Variants in WDR18 observed in about 807,000 individuals in gnomAD.
WDR18 encodes the protein WD repeat-containing protein 18.
A neutral mutation model predicts 49.6 loss-of-function variants in WDR18; 33 were observed. The ratio of observed to expected loss-of-function variants is 0.67; its 90% confidence interval spans 0.50 to 0.89. WDR18 has a LOEUF of 0.89. WDR18 is among the 40% of genes least tolerant of loss of function. WDR18 has a pLI of 0.00. For synonymous variants in WDR18, 315 were observed against 263.6 expected (o/e 1.19, Z -1.89); for missense variants, 653 against 593.6 (o/e 1.10, Z -1.04).
intron 1 of WDR18, 52 bp downstream of exon 1, chr19:984,615 T>G: frequency 7.3e-7 from 1 of 1,371,908 alleles, no homozygotes; most frequent in Non-Finnish European, 9.4e-7. Context: ...GAGGCTGAAG[T>G]CGGGGGATGG....
At chr19:985,778 C>T (rs1341994043) in intron 1 of WDR18, 87 bp from the exon 2 acceptor site, 3 of 1,284,076 alleles carry the variant, frequency 2.3e-6, no homozygotes, top group Non-Finnish European at 3.4e-6. Flanking sequence ...TTAGCCATTG[C>T]CCAGGCGTCC....
intron 8 of WDR18, 34 bp from the exon 9 acceptor site, chr19:993,986 G>T: frequency 1.3e-6 from 2 of 1,547,338 alleles, no homozygotes. Context: ...GTGACAGGAC[G>T]CGCCCCGAGG....
intron 4 of WDR18, chr19:990,565 C>A: frequency 2.2e-6 from 2 of 920,522 alleles, no homozygotes; most frequent in Non-Finnish European, 3.1e-6. Context: ...GTTTCTGGCC[C>A]GGCTCCCTGG....
rs2038566474 is a variant in WDR18, at chr19:992,096, C to G, written c.1073C>G (p.Thr358Ser). ...HGDEPRHGGL[T>S]LRLGLHQQGS... ...GACGAGCCGCGCCACGGGGGCCTCACTCTGCGCCTGGGCCTCCACCAGCAG... is the reference window on the plus strand; with the variant it reads ...GACGAGCCGCGCCACGGGGGCCTCAGTCTGCGCCTGGGCCTCCACCAGCAG... The change falls in exon 8 of 10, where the codon ACT becomes AGT. Residue 358 changes from threonine (T) to serine (S), a missense_variant. Coordinates refer to ENST00000585809, the MANE Select transcript of WDR18 (RefSeq NM_024100.4). 2.0e-6 allele frequency: 3 copies of G among 1,522,898 alleles called. No individual in the cohort carries two copies. The highest frequency in any genetic ancestry group is 1.9e-5 in the Admixed American group (1 of 52,476). 94.3% of individuals were successfully genotyped at this position (1,522,898 alleles called of 1,614,324 possible).
intron 6 of WDR18, 39 bp from the exon 7 acceptor site, chr19:991,188 G>A (rs376860620): frequency 1.2e-5 from 17 of 1,444,138 alleles, no homozygotes; most frequent in Non-Finnish European, 1.5e-5. Context: ...GGCACGTCCT[G>A]TCTGGCACGT....
intron 1 of WDR18, among the ~76,000 whole-genome samples, chr19:984,794 C>T (rs1280548981): frequency 7.4e-6 from 1 of 135,034 alleles, no homozygotes; most frequent in Non-Finnish European, 1.6e-5. Flanking sequence ...GCTATGGGGG[C>T]AGTGGGGGAA....
chr19:989,637 G>A, intron 2 of WDR18, 125 bp from the exon 3 acceptor site: 2 of 1,386,918 alleles, frequency 1.4e-6, no homozygotes, highest in South Asian at 1.3e-5. Context: ...GCAGTCCTGG[G>A]GCAGGGCAGG....
chr19:991,874 C>T, intron 7 of WDR18, 81 bp from the exon 8 acceptor site: 4 of 1,377,892 alleles, frequency 2.9e-6, no homozygotes, highest in Non-Finnish European at 3.7e-6. Context: ...GCGGGGACTG[C>T]CCTGGATGGG....
chr19:988,676 C>T (rs985626397), intron 2 of WDR18, among the ~76,000 whole-genome samples: 4 of 152,176 alleles, frequency 2.6e-5, no homozygotes, highest in South Asian at 2.1e-4. Flanking sequence ...TGTGGGGCCA[C>T]GCTGCCCCTG....
chr19:989,725 T>C, intron 2 of WDR18, 37 bp from the exon 3 acceptor site: 2 of 1,610,610 alleles, frequency 1.2e-6, no homozygotes, highest in Non-Finnish European at 1.7e-6. Context: ...CCCTGGGGCT[T>C]TCCTCCCCTG....
In WDR18 at chr19:994,010, T is replaced by G. The variant is rs951415045; in HGVS notation, c.1099-10T>G. On this transcript the variant is annotated splice_polypyrimidine_tract_variant and intron_variant, in intron 8 of 9. Transcript: ENST00000585809. ...CGCGCCCCGAGGTCACGTGGCTCCC[T>G]GTGTTACAGGGCTCGGAGCCCAGCT... 6 of 1,551,362 alleles carry G rather than the reference T, an allele frequency of 3.9e-6. No individual in the cohort carries two copies. The highest frequency in any genetic ancestry group is 5.2e-6 in the Non-Finnish European group (6 of 1,148,138).
At chr19:987,817 T>A (rs111572559) in intron 2 of WDR18, among the ~76,000 whole-genome samples, 13,375 of 145,710 alleles carry the variant, frequency 0.092, 815 homozygotes, top group South Asian at 0.21. Flanking sequence ...CCTGCTCCCC[T>A]AGCCGCCTCC....
chr19:984,299 A>T (rs1301217203), upstream of WDR18: 36 of 1,386,552 alleles, frequency 2.6e-5, no homozygotes, highest in Non-Finnish European at 3.3e-5. Context: ...CGCGTGGGGC[A>T]GTCGTCCGCG....
intron 2 of WDR18, among the ~76,000 whole-genome samples, chr19:988,797 GC>G (rs1208773088): frequency 2.6e-5 from 4 of 152,138 alleles, no homozygotes; most frequent in Non-Finnish European, 5.9e-5. Flanking sequence ...GCCGCGTGGA[GC>G]CCCTGTGTGT....
At chr19:983,426 G>T (rs564300688), upstream of WDR18, among the ~76,000 whole-genome samples, 1 of 151,984 alleles carries the variant, frequency 6.6e-6, no homozygotes, top group South Asian at 2.1e-4. Context: ...CACCACGCCC[G>T]GCTTTTTGTA....
intron 7 of WDR18, 26 bp from the exon 8 acceptor site, chr19:991,929 C>T (rs748962319): frequency 1.6e-5 from 24 of 1,526,896 alleles, no homozygotes; most frequent in Non-Finnish European, 2.0e-5. Flanking sequence ...TGGGATGGGG[C>T]GGGGCCTGAC....
intron 5 of WDR18, 27 bp downstream of exon 5, chr19:991,022 C>T (rs368109538): frequency 7.6e-5 from 122 of 1,600,690 alleles, no homozygotes; most frequent in African/African-American, 1.6e-4. Context: ...GCGGGCTGCA[C>T]CCTGCCCTGG....
At chr19:985,123 C>T (rs947316893) in intron 1 of WDR18, among the ~76,000 whole-genome samples, 1 of 152,078 alleles carries the variant, frequency 6.6e-6, no homozygotes, top group African/African-American at 2.4e-5. Flanking sequence ...CTCTGTGCTC[C>T]AGCATTGCCT....
chr19:990,008 C>G, intron 3 of WDR18, 113 bp downstream of exon 3: 1 of 1,475,962 alleles, frequency 6.8e-7, no homozygotes, highest in South Asian at 1.4e-5. Flanking sequence ...GGCTGGAGTG[C>G]AGAGGACGGA....
Sources: allele counts gnomAD v4.1 joint callset (sites outside exome capture counted in the v4.1 genomes callset), GRCh38; gene constraint gnomAD v4.1.1; transcripts MANE v1.5; gene names NCBI Gene and HGNC (gene_info 2026-07-23, HGNC 2026-07-21).